CACYBP: variants seen among roughly 807,000 people sequenced by gnomAD.
CACYBP encodes the protein calcyclin binding protein.
A neutral mutation model predicts 29.6 loss-of-function variants in CACYBP; 11 were observed. The observed-to-expected ratio is 0.37, with a 90% CI of 0.23 to 0.61. The LOEUF (loss-of-function observed/expected upper bound fraction) is 0.61. Ranked by LOEUF, CACYBP falls within the 20% of genes least tolerant of loss-of-function variation. The pLI is 0.65. For missense variants in CACYBP, 163 were observed against 260.7 expected (o/e 0.63, Z 2.58); for synonymous variants, 73 against 88.3 (o/e 0.83, Z 0.97).
intron 5 of CACYBP, among the ~76,000 whole-genome samples, chr1:175,009,090 A>G (rs971381141): frequency 6.6e-6 from 1 of 152,080 alleles, no homozygotes; most frequent in Non-Finnish European, 1.5e-5. Context: ...ACCTTTTAAA[A>G]ATGTGTATTC....
intron 1 of CACYBP, among the ~76,000 whole-genome samples, chr1:175,003,828 A>C (rs955689798): frequency 2.6e-5 from 4 of 152,234 alleles, no homozygotes; most frequent in African/African-American, 4.8e-5. Flanking sequence ...AATTTCATAA[A>C]ATGTTGCCTC....
chr1:175,000,059 A>G lies in CACYBP; in HGVS notation c.-122A>G. On this transcript the variant is annotated 5_prime_UTR_variant, in exon 1 of 6. Transcript: ENST00000367679. ...TCTTGCGCAGGGTCGGTGTGGGCGC[A>G]GGCTGCAGCGCCGCGACTCGTGCGG... The G allele has an allele frequency of 1.5e-6, 2 of 1,365,084 alleles. No homozygotes were observed. Among genetic ancestry groups the G allele is most frequent in the South Asian group, 1.2e-5 (1 of 80,246 alleles). 84.6% of individuals were successfully genotyped at this position (1,365,084 alleles called of 1,614,324 possible).
Position 175,000,052 on chromosome 1 carries a change from T to TGGGCGCAGGCTGCAGCGC in CACYBP, c.-128_-111dup, listed in dbSNP as rs1672424569. The TGGGCGCAGGCTGCAGCGC allele has an allele frequency of 7.5e-7, 1 of 1,329,998 alleles. No individual in the cohort carries two copies. The highest frequency in any genetic ancestry group is 1.1e-6 in the Non-Finnish European group (1 of 950,308). 82.4% of individuals were successfully genotyped at this position (1,329,998 alleles called of 1,614,324 possible). A position where few individuals can be genotyped will look rare whatever the true frequency, so the allele number is the denominator to read the frequency against. ...GCCGCGATCTTGCGCAGGGTCGGTG[T>TGGGCGCAGGCTGCAGCGC]GGGCGCAGGCTGCAGCGCCGCGACT... On this transcript the variant is annotated 5_prime_UTR_variant, in exon 1 of 6. Coordinates refer to ENST00000367679, the MANE Select transcript of CACYBP (RefSeq NM_014412.3).
At chr1:175,004,563 C>A in intron 1 of CACYBP, 51 bp from the exon 2 acceptor site, 3 of 1,108,092 alleles carry the variant, frequency 2.7e-6, no homozygotes, top group African/African-American at 1.6e-5. Flanking sequence ...CGCACAATAT[C>A]AAGCCATTTC....
Position 175,004,734 on chromosome 1 carries a change from CA to C in CACYBP, c.137del (p.Gln46ArgfsTer28), listed in dbSNP as rs1558324754. 1 of 1,613,874 alleles carries C rather than the reference CA, an allele frequency of 6.2e-7. No individual in the cohort carries two copies. The highest frequency in any genetic ancestry group is 1.7e-5 in the Admixed American group (1 of 60,026). Reference protein sequence around the residue: ...IETEIKNKMQQKSQKKAELLD... With the variant: ...IETEIKNKMQXKSQKKAELLD... The stretch of plus-strand genomic sequence containing the variant: ...GACAGAAATCAAGAACAAGATGCAA[CA>C]GAAATCACAGAAGAAAGCAGAACTT... On this transcript the variant is annotated frameshift_variant, in exon 2 of 6. Coordinates refer to ENST00000367679, the MANE Select transcript of CACYBP (RefSeq NM_014412.3). LOFTEE classifies it high-confidence loss of function.
At chr1:175,007,767 G>C (rs763211877) in intron 4 of CACYBP, among the ~76,000 whole-genome samples, 2 of 152,204 alleles carry the variant, frequency 1.3e-5, no homozygotes, top group African/African-American at 4.8e-5. Context: ...TACATAAAAG[G>C]AGGTCTTAAG....
In CACYBP at chr1:175,011,196, GGAA is replaced by G. The variant is rs1672745545; in HGVS notation, c.*1122_*1124del. On this transcript the variant is annotated 3_prime_UTR_variant, in exon 6 of 6. Coordinates refer to ENST00000367679, the MANE Select transcript of CACYBP (RefSeq NM_014412.3). ...AAAGCTACAATTAATATGGGAATTTGGAAGAAGTGGTAGGATTTAAAATACAGA... is the reference window on the plus strand; with the variant it reads ...AAAGCTACAATTAATATGGGAATTTGGAAGTGGTAGGATTTAAAATACAGA... 6.6e-6 allele frequency: 1 copy of G among 151,032 alleles called. No individual in the cohort carries two copies. Among genetic ancestry groups the G allele is most frequent in the African/African-American group, 2.4e-5 (1 of 41,028 alleles). The allele number at this position is 151,032 out of a possible 1,614,324, so 9.4% of individuals were successfully genotyped here.
rs1385641840 is a variant in CACYBP, at chr1:175,008,494, A to C, written c.433-115A>C. ...TTCATACAAGTATTACTGGCACCCA[A>C]AATAAGTCTATACATACTAGGGACT... On this transcript the variant is annotated intron_variant, in intron 4 of 5. Transcript: ENST00000367679. The C allele has an allele frequency of 8.3e-6, 5 of 605,754 alleles. No homozygotes were observed. In the Admixed American group the frequency reaches 1.4e-4, roughly 17 times the overall value. 37.5% of individuals were successfully genotyped at this position (605,754 alleles called of 1,614,324 possible). A position where few individuals can be genotyped will look rare whatever the true frequency, so the allele number is the denominator to read the frequency against.
chr1:175,009,720 T>C (rs895394579), intron 5 of CACYBP, among the ~76,000 whole-genome samples: 3 of 151,832 alleles, frequency 2.0e-5, no homozygotes, highest in African/African-American at 7.3e-5. Context: ...ATGACCTCTT[T>C]CGTGCACCAA....
At position 175,011,375 on chromosome 1, in the gene CACYBP, AC is replaced by A. The variant is rs1558327867; in HGVS notation, c.*1297del. The A allele has an allele frequency of 6.6e-6, 1 of 152,024 alleles. No homozygotes were observed. The highest frequency in any genetic ancestry group is 1.5e-5 in the Non-Finnish European group (1 of 68,038). The allele number at this position is 152,024 out of a possible 1,614,324, so 9.4% of individuals were successfully genotyped here. A position where few individuals can be genotyped will look rare whatever the true frequency, so the allele number is the denominator to read the frequency against. On this transcript the variant is annotated 3_prime_UTR_variant, in exon 6 of 6. Transcript: ENST00000367679. The stretch of plus-strand genomic sequence containing the variant: ...GGGGTAAAGATGGGTTTTTAATGAT[AC>A]TAAGATAACTGAAAATAGGCATATA...
At chr1:175,004,881 C>G in intron 2 of CACYBP, 48 bp downstream of exon 2, 1 of 1,181,146 alleles carries the variant, frequency 8.5e-7, no homozygotes, top group Non-Finnish European at 1.3e-6. Flanking sequence ...GCAACCTATT[C>G]CTCATAGTGG....
At chr1:175,000,425 G>A (rs1672443181) in intron 1 of CACYBP, 4 of 1,398,874 alleles carry the variant, frequency 2.9e-6, no homozygotes, top group South Asian at 1.6e-5. Flanking sequence ...TCGAGCGGGG[G>A]TGTGCGGCGA....
intron 1 of CACYBP, chr1:175,000,442 G>A (rs1161204614): frequency 9.4e-6 from 13 of 1,382,584 alleles, no homozygotes; most frequent in Non-Finnish European, 9.3e-7. Context: ...GCGATTATCC[G>A]TGCAGGCGGT....
Position 175,000,158 on chromosome 1 carries a change from G to A in CACYBP, c.-23G>A. 1 of 1,603,856 alleles carries A rather than the reference G, an allele frequency of 6.2e-7. No individual in the cohort carries two copies. Among genetic ancestry groups the A allele is most frequent in the Non-Finnish European group, 8.5e-7 (1 of 1,175,206 alleles). ...CTCCTTCTGCGCGGCTGCAGCTCGG[G>A]ACTTCGGCCTGACCCAGCCCCCATG... On this transcript the variant is annotated 5_prime_UTR_variant, in exon 1 of 6. Transcript: ENST00000367679.
rs113640358 is a variant in CACYBP, at chr1:175,009,502, C to T, written c.531-421C>T. Among the ~76,000 whole-genome samples the T allele has an allele frequency of 5.3e-3, 808 of 151,922 alleles. 10 individuals are homozygous for T. The highest frequency in any genetic ancestry group is 0.018 in the African/African-American group (760 of 41,420). On this transcript the variant is annotated intron_variant, in intron 5 of 5. Transcript: ENST00000367679. ...CTCTACTAAAAATACAAAAATTAGC[C>T]GGGCATGGTGGCATGTGCCTGTAAT... is the stretch of plus-strand genomic sequence containing the variant.
At chr1:175,008,758 T>C (rs774026693) in intron 5 of CACYBP, 52 bp downstream of exon 5, 10 of 882,208 alleles carry the variant, frequency 1.1e-5, no homozygotes, top group Non-Finnish European at 1.9e-6. Context: ...TTTGAGATCA[T>C]GGATTTTTAA....
rs1672710435 is a variant in CACYBP, at chr1:175,010,028, A to G, written c.636A>G (p.Lys212=). The G allele has an allele frequency of 6.2e-7, 1 of 1,613,886 alleles. No homozygotes were observed. The highest frequency in any genetic ancestry group is 8.5e-7 in the Non-Finnish European group (1 of 1,179,822). Residue 212 remains lysine, a synonymous_variant, in exon 6 of 6, where the codon AAA becomes AAG. Coordinates refer to ENST00000367679, the MANE Select transcript of CACYBP (RefSeq NM_014412.3). ...ATGATATGAAGCGAACCATTAATAA[A>G]GCCTGGGTGGAATCAAGAGAGAAGC... ...GDDDMKRTIN[K]AWVESREKQA...
chr1:175,005,345 C>T (rs1204781064), intron 2 of CACYBP, among the ~76,000 whole-genome samples: 2 of 152,136 alleles, frequency 1.3e-5, no homozygotes, highest in Non-Finnish European at 2.9e-5. Flanking sequence ...ATACTGTTTT[C>T]CTTCAATGGT....
intron 2 of CACYBP, chr1:175,005,048 T>C (rs1035424379): frequency 5.3e-6 from 3 of 564,846 alleles, no homozygotes; most frequent in African/African-American, 3.8e-5. Flanking sequence ...CACTACAAAA[T>C]GTAACAACAA....
Sources: gnomAD v4.1 joint callset for allele counts (sites outside exome capture counted in the v4.1 genomes callset) on GRCh38, gnomAD v4.1.1 for gene constraint, MANE v1.5 for transcripts, NCBI Gene and HGNC (gene_info 2026-07-23, HGNC 2026-07-21) for gene names.